DGKH: variants seen among roughly 807,000 people sequenced by gnomAD.
DGKH encodes DAG kinase eta.
Under a neutral mutation model 159.3 loss-of-function variants are expected in DGKH, and 90 were observed. The ratio of observed to expected loss-of-function variants is 0.57; its 90% CI spans 0.48 to 0.67. DGKH has a LOEUF of 0.67. Ranked by LOEUF, DGKH falls within the 30% of genes least tolerant of loss-of-function variation. The pLI is 0.00. For synonymous variants in DGKH, 536 were observed against 553.8 expected, an observed-to-expected ratio of 0.97 and a Z score of 0.45; for missense variants, 1,181 against 1,506.1, an observed-to-expected ratio of 0.78 and a Z score of 3.57.
At chr13:42,126,718 C>A (rs1286755438) in intron 1 of DGKH, among the ~76,000 whole-genome samples, 3 of 152,110 alleles carry the variant, frequency 2.0e-5, no homozygotes, top group African/African-American at 7.2e-5. Flanking sequence ...TTGTTTTAAC[C>A]TTTCTACTTT....
intron 12 of DGKH, among the ~76,000 whole-genome samples, chr13:42,176,326 C>T (rs1333059834): frequency 6.6e-6 from 1 of 152,040 alleles, no homozygotes; most frequent in African/African-American, 2.4e-5. Context: ...CTCTGGAGAA[C>T]ATTTTCTTTT....
chr13:42,079,649 A>T (rs1354475450), intron 1 of DGKH, among the ~76,000 whole-genome samples: 2 of 151,932 alleles, frequency 1.3e-5, no homozygotes, highest in Non-Finnish European at 2.9e-5. Context: ...AACTATTCTC[A>T]CTCACGGAGT....
rs1182286960 is a variant in DGKH, at chr13:42,234,855, A to G, written c.*5667A>G. The G allele has an allele frequency of 6.6e-6, 1 of 152,222 alleles. No individual in the cohort carries two copies. Among genetic ancestry groups the G allele is most frequent in the Non-Finnish European group, 1.5e-5 (1 of 68,046 alleles). The allele number at this position is 152,222 out of a possible 1,614,324, so 9.4% of individuals were successfully genotyped here. A position where few individuals can be genotyped will look rare whatever the true frequency, so the allele number is the denominator to read the frequency against. On this transcript the variant is annotated 3_prime_UTR_variant, in exon 30 of 30. Transcript: ENST00000337343. ...TGTATAGCAACCTCTGTGTCAAGTC[A>G]GTAATATGATGCCATTGTAATAGGA...
At chr13:42,229,048 T>G in intron 29 of DGKH, 51 bp from the exon 30 acceptor site, 2 of 1,509,768 alleles carry the variant, frequency 1.3e-6, no homozygotes, top group Non-Finnish European at 1.8e-6. Flanking sequence ...CTTTCTGTGT[T>G]TTTTCTTTCA....
At chr13:42,114,605 C>T (rs1271612567) in intron 1 of DGKH, among the ~76,000 whole-genome samples, 1 of 152,266 alleles carries the variant, frequency 6.6e-6, no homozygotes, top group African/African-American at 2.4e-5. Context: ...TATCCAGCAG[C>T]AATTCTAATC....
chr13:42,058,075 C>A (rs1410148362), intron 1 of DGKH, among the ~76,000 whole-genome samples: 1 of 151,970 alleles, frequency 6.6e-6, no homozygotes, highest in African/African-American at 2.4e-5. Context: ...AGAGGGCTCT[C>A]CACCAAAGTT....
chr13:42,211,570 C>T (rs925950015), intron 24 of DGKH, among the ~76,000 whole-genome samples: 1 of 151,996 alleles, frequency 6.6e-6, no homozygotes, highest in Non-Finnish European at 1.5e-5. Flanking sequence ...TGGTGGTGGG[C>T]ACCTGCAGTC....
upstream of DGKH, among the ~76,000 whole-genome samples, chr13:42,047,087 T>C (rs1224654108): frequency 6.6e-6 from 1 of 152,252 alleles, no homozygotes; most frequent in African/African-American, 2.4e-5. Context: ...TTAAAATTCA[T>C]TTTGCCCAAC....
At chr13:42,194,432 CTCTT>C (rs1957155491) in intron 16 of DGKH, among the ~76,000 whole-genome samples, 1 of 152,212 alleles carries the variant, frequency 6.6e-6, no homozygotes, top group South Asian at 2.1e-4. Flanking sequence ...CACACCTGGC[CTCTT>C]CCATTTATTG....
chr13:42,195,925 CA>C (rs1957193993), intron 17 of DGKH: 1 of 152,120 alleles, frequency 6.6e-6, no homozygotes, highest in Admixed American at 6.5e-5. Context: ...GTATCCAGAA[CA>C]TATAAAGAAC....
At chr13:42,078,850 C>A (rs993713389) in intron 1 of DGKH, among the ~76,000 whole-genome samples, 5 of 150,518 alleles carry the variant, frequency 3.3e-5, no homozygotes, top group African/African-American at 1.2e-4. Flanking sequence ...CTTTAACATA[C>A]TGACAGAATG....
Position 42,071,962 on chromosome 13 carries a change from C to T in DGKH, c.192+22997C>T, listed in dbSNP as rs185971574. Among the ~76,000 whole-genome samples, 15 of 152,316 alleles carry T rather than the reference C, an allele frequency of 9.8e-5. No homozygotes were observed. The East Asian group carries it at 2.9e-3, about 29-fold the overall frequency. ...AGGATGTGGTTTACTTTTATCAGTA[C>T]ATTTTATTTCCTTTTCCCTATCGTA... On this transcript the variant is annotated intron_variant, in intron 1 of 29. Coordinates refer to ENST00000337343, the MANE Select transcript of DGKH (RefSeq NM_178009.5).
chr13:42,143,171 G>T (rs930256915), intron 3 of DGKH, among the ~76,000 whole-genome samples: 5 of 152,196 alleles, frequency 3.3e-5, no homozygotes, highest in African/African-American at 9.6e-5. Flanking sequence ...GGTTTTTGTT[G>T]TCGGTTCTGT....
intron 20 of DGKH, among the ~76,000 whole-genome samples, chr13:42,202,771 T>C (rs1334163139): frequency 6.6e-6 from 1 of 152,216 alleles, no homozygotes; most frequent in East Asian, 1.9e-4. Context: ...CATATTTTGC[T>C]ACTTTTAGAG....
At chr13:42,068,746 A>T (rs141870675) in intron 1 of DGKH, among the ~76,000 whole-genome samples, 12 of 152,310 alleles carry the variant, frequency 7.9e-5, no homozygotes, top group African/African-American at 2.9e-4. Flanking sequence ...TGCAAATGAC[A>T]TGTCAGTTAA....
chr13:42,180,291 T>G (rs1010706912), intron 13 of DGKH, among the ~76,000 whole-genome samples: 4 of 152,170 alleles, frequency 2.6e-5, no homozygotes, highest in Non-Finnish European at 5.9e-5. Context: ...CATCAAGCAA[T>G]ACAATTCATT....
intron 1 of DGKH, among the ~76,000 whole-genome samples, chr13:42,042,688 C>T (rs1880584536): frequency 6.6e-6 from 1 of 152,162 alleles, no homozygotes; most frequent in Non-Finnish European, 1.5e-5. Flanking sequence ...AGAAAGCTAA[C>T]GTTCTTAACT....
At chr13:42,040,984 T>C (rs947997857) in intron 1 of DGKH, among the ~76,000 whole-genome samples, 2 of 151,278 alleles carry the variant, frequency 1.3e-5, no homozygotes, top group Non-Finnish European at 3.0e-5. Flanking sequence ...GCTTCTCCTT[T>C]GCTCCCCCCG....
chr13:42,203,820 A>G (rs1439060377), intron 20 of DGKH, among the ~76,000 whole-genome samples: 1 of 152,306 alleles, frequency 6.6e-6, no homozygotes, highest in Non-Finnish European at 1.5e-5. Flanking sequence ...GCGACAGAGC[A>G]AGACCACATC....
Sources: allele counts gnomAD v4.1 joint callset (sites outside exome capture counted in the v4.1 genomes callset), GRCh38; gene constraint gnomAD v4.1.1; transcripts MANE v1.5; gene names NCBI Gene and HGNC (gene_info 2026-07-23, HGNC 2026-07-21).